The following MAST4 variants were observed in gnomAD, a reference collection of about 807,000 sequenced individuals.
The protein encoded by MAST4 is microtubule-associated serine/threonine-protein kinase 4.
MAST4 carries 89 observed loss-of-function variants against 162.7 expected under a neutral mutation model. The ratio of observed to expected loss-of-function variants is 0.55; its 90% CI spans 0.46 to 0.65. The LOEUF is 0.65. Ranked by LOEUF, MAST4 falls within the 30% of genes least tolerant of loss-of-function variation. The pLI, the probability that MAST4 is intolerant of heterozygous loss-of-function variation, is 0.00. For synonymous variants in MAST4, 1,479 were observed against 1,361.1 expected (o/e 1.09, Z -1.91); for missense variants, 3,153 against 3,374.0 (o/e 0.93, Z 1.62).
At chr5:66,944,064 T>G (rs577442121) in intron 4 of MAST4, among the ~76,000 whole-genome samples, 15 of 152,264 alleles carry the variant, frequency 9.9e-5, no homozygotes, top group African/African-American at 3.6e-4. Flanking sequence ...ATTCCTAGTT[T>G]TAAAACATTT....
intron 23 of MAST4, 139 bp from the exon 24 acceptor site, chr5:67,149,250 C>A: frequency 2.9e-6 from 2 of 697,712 alleles, no homozygotes; most frequent in Non-Finnish European, 4.9e-6. Context: ...TAATGTTCGC[C>A]TGACACCGTC....
intron 1 of MAST4, among the ~76,000 whole-genome samples, chr5:66,646,733 A>G (rs1745865376): frequency 6.6e-6 from 1 of 152,182 alleles, no homozygotes. Flanking sequence ...ATGTGTCAAG[A>G]GCACTTTATG....
rs374500759 is a variant in MAST4 at position 66,648,167 on chromosome 5, TA to T, written c.363+51158del. On this transcript the variant is annotated intron_variant, in intron 1 of 28. Transcript: ENST00000403625. The stretch of plus-strand genomic sequence containing the variant: ...ATGTGGTAATTTAGGCCATAATATA[TA>T]AAAAAAAATCACAATTCTGAAGCTG... 3.6e-3 allele frequency among the ~76,000 whole-genome samples: 541 copies of T among 150,428 alleles called. 1 individual carries two copies. The highest frequency in any genetic ancestry group is 0.011 in the South Asian group (51 of 4,760).
intron 4 of MAST4, among the ~76,000 whole-genome samples, chr5:67,032,746 G>A (rs1231906634): frequency 1.3e-5 from 2 of 152,122 alleles, no homozygotes; most frequent in African/African-American, 4.8e-5. Context: ...GGTAAATGAT[G>A]AGAGGATTAT....
At position 66,894,191 on chromosome 5, in the gene MAST4, A is replaced by T. The variant is rs142833348; in HGVS notation, c.643-5760A>T. Among the ~76,000 whole-genome samples the T allele has an allele frequency of 4.0e-3, 613 of 152,374 alleles. 4 individuals are homozygous for T. In the Middle Eastern group the frequency reaches 0.082, roughly 20 times the overall value. On this transcript the variant is annotated intron_variant, in intron 3 of 28. Transcript: ENST00000403625. ...CAAAGGCAAATGGTTTATGCAAACC[A>T]ATAGTCCTTAGGGGGACTTAAAAGT...
chr5:66,612,585 C>T (rs1448824322), intron 1 of MAST4, among the ~76,000 whole-genome samples: 1 of 152,126 alleles, frequency 6.6e-6, no homozygotes, highest in South Asian at 2.1e-4. Context: ...CTAAAGCAGC[C>T]TGTAGTTGGG....
At chr5:66,654,330 T>C (rs1295576450) in intron 1 of MAST4, among the ~76,000 whole-genome samples, 2 of 152,216 alleles carry the variant, frequency 1.3e-5, no homozygotes, top group East Asian at 3.9e-4. Context: ...GTCGTTTTTA[T>C]GAGGCAACCA....
At chr5:66,698,861 T>G (rs763552961) in intron 1 of MAST4, among the ~76,000 whole-genome samples, 3 of 152,164 alleles carry the variant, frequency 2.0e-5, no homozygotes, top group African/African-American at 4.8e-5. Flanking sequence ...GCCTTTAAAC[T>G]CTCCCTCCAT....
chr5:67,166,741 T>A lies in MAST4; in HGVS notation c.7562T>A (p.Leu2521Gln). The A allele has an allele frequency of 6.3e-7, 1 of 1,592,330 alleles. No individual in the cohort carries two copies. The highest frequency in any genetic ancestry group is 8.5e-7 in the Non-Finnish European group (1 of 1,169,814). Residue 2521 changes from leucine to glutamine, a missense_variant, in exon 29 of 29, where the codon CTG becomes CAG. Leu to Gln is a moderately radical substitution (Grantham distance 113). Transcript: ENST00000403625. ...GRTHMTKSDS[L>Q]PSFRVSTLPL... Reference sequence around the variant, plus strand: ...ACCCACATGACAAAGAGTGACTCCCTGCCCTCCTTCCGGGTCTCCACCCTG... The same window carrying A: ...ACCCACATGACAAAGAGTGACTCCCAGCCCTCCTTCCGGGTCTCCACCCTG...
At chr5:66,787,314 A>G (rs1298132662) in intron 2 of MAST4, among the ~76,000 whole-genome samples, 1 of 152,208 alleles carries the variant, frequency 6.6e-6, no homozygotes, top group Non-Finnish European at 1.5e-5. Flanking sequence ...TTTCAAAAGA[A>G]GATCTAATTT....
At chr5:66,661,148 A>G (rs1746882907) in intron 1 of MAST4, among the ~76,000 whole-genome samples, 1 of 152,150 alleles carries the variant, frequency 6.6e-6, no homozygotes, top group African/African-American at 2.4e-5. Flanking sequence ...TAGTGGCTTT[A>G]CCCTAATAGA....
chr5:66,959,660 G>A (rs562123693), intron 4 of MAST4, among the ~76,000 whole-genome samples: 1 of 152,286 alleles, frequency 6.6e-6, no homozygotes, highest in South Asian at 2.1e-4. Flanking sequence ...AAAGGCCTCT[G>A]TCTGCATTGA....
chr5:66,882,795 C>T (rs754872610), intron 3 of MAST4, among the ~76,000 whole-genome samples: 1 of 152,092 alleles, frequency 6.6e-6, no homozygotes, highest in Non-Finnish European at 1.5e-5. Context: ...TGACTCAGCA[C>T]CCTACTACAG....
rs1769021800 is a variant in MAST4, at chr5:67,131,959, C to T, written c.2093+8C>T. On this transcript the variant is annotated splice_region_variant and intron_variant, in intron 16 of 28. Transcript: ENST00000403625. ...GGATTTGAAACCAGACAAGTATGTACACAAATGAAATATATGTCTTCTTTT... is the reference window on the plus strand; with the variant it reads ...GGATTTGAAACCAGACAAGTATGTATACAAATGAAATATATGTCTTCTTTT... 1.2e-6 allele frequency: 2 copies of T among 1,610,070 alleles called. No individual in the cohort carries two copies. Among genetic ancestry groups the T allele is most frequent in the African/African-American group, 2.7e-5 (2 of 74,826 alleles).
At chr5:67,057,617 A>C (rs1051681287) in intron 5 of MAST4, among the ~76,000 whole-genome samples, 1 of 151,624 alleles carries the variant, frequency 6.6e-6, no homozygotes, top group Non-Finnish European at 1.5e-5. Context: ...AAGGAAAGAA[A>C]AGAAAAGAAA....
chr5:67,130,400 G>C lies in MAST4; in HGVS notation c.1936G>C (p.Val646Leu), dbSNP rs1295241129. ...SFETRRHLCM[V>L]MEYVEGGDCA... ...TGAAACAAGGCGCCACTTGTGCATG[G>C]TCATGGAATATGTGGAAGGTATCTG... Residue 646 changes from valine to leucine, a missense_variant, in exon 15 of 29, where the codon GTC (valine) becomes CTC (leucine). Physicochemically the swap from Val to Leu is conservative, Grantham distance 32. Transcript: ENST00000403625. 2 of 1,613,740 alleles carry C rather than the reference G, an allele frequency of 1.2e-6. No homozygotes were observed. Among genetic ancestry groups the C allele is most frequent in the Non-Finnish European group, 1.7e-6 (2 of 1,179,822 alleles).
At chr5:67,160,701 A>G in intron 27 of MAST4, 109 bp downstream of exon 27, 1 of 1,200,580 alleles carries the variant, frequency 8.3e-7, no homozygotes, top group Non-Finnish European at 1.2e-6. Flanking sequence ...TCTGTGAGAA[A>G]TTTTATGTTA....
At chr5:66,771,048 T>G (rs1219546508) in intron 2 of MAST4, among the ~76,000 whole-genome samples, 1 of 152,240 alleles carries the variant, frequency 6.6e-6, no homozygotes, top group Non-Finnish European at 1.5e-5. Flanking sequence ...CTCGGTGTGT[T>G]AAATGTGGCA....
At chr5:66,626,762 A>G (rs1331697752) in intron 1 of MAST4, among the ~76,000 whole-genome samples, 1 of 152,196 alleles carries the variant, frequency 6.6e-6, no homozygotes. Flanking sequence ...AATCCTTTCA[A>G]GGGGTGAGGG....
Sources: gnomAD v4.1 joint callset for allele counts (sites outside exome capture counted in the v4.1 genomes callset) on GRCh38, gnomAD v4.1.1 for gene constraint, MANE v1.5 for transcripts, NCBI Gene and HGNC (gene_info 2026-07-23, HGNC 2026-07-21) for gene names.